The following SYT14 variants were observed in gnomAD, a reference collection of about 807,000 sequenced individuals.
The protein encoded by SYT14 is synaptotagmin 14, also known as synaptotagmin-14.
In SYT14, 32 loss-of-function variants were observed where a neutral mutation model predicts 74.2. That is an observed-to-expected ratio of 0.43 (90% CI 0.33 to 0.58). The LOEUF (loss-of-function observed/expected upper bound fraction) is 0.58, where lower values mean the gene tolerates loss of function less well. Among genes scored for constraint, SYT14 ranks in the 20% least tolerant of loss-of-function variants. The pLI is 0.05. For missense variants in SYT14, 791 were observed against 981.8 expected (o/e 0.81, Z 2.60); for synonymous variants, 298 against 337.7 (o/e 0.88, Z 1.29).
chr1:209,973,386 G>C (rs565958983), intron 2 of SYT14, among the ~76,000 whole-genome samples: 1 of 151,680 alleles, frequency 6.6e-6, no homozygotes, highest in African/African-American at 2.4e-5. Context: ...AACAGACCCC[G>C]GTGTGTGATG....
chr1:209,962,008 A>G (rs903831182), intron 2 of SYT14, among the ~76,000 whole-genome samples: 3 of 152,126 alleles, frequency 2.0e-5, no homozygotes, highest in Non-Finnish European at 4.4e-5. Flanking sequence ...TTCAATTTCT[A>G]TGCAAATCCA....
chr1:210,007,145 T>A (rs2080004778), intron 2 of SYT14, among the ~76,000 whole-genome samples: 1 of 151,946 alleles, frequency 6.6e-6, no homozygotes, highest in Admixed American at 6.6e-5. Context: ...TTTTTTAAGT[T>A]TATTTTTTGT....
chr1:210,028,353 G>A (rs2080458470), intron 5 of SYT14, among the ~76,000 whole-genome samples: 1 of 151,682 alleles, frequency 6.6e-6, no homozygotes, highest in East Asian at 1.9e-4. Flanking sequence ...CTATTGTTGT[G>A]CACCATCACC....
intron 5 of SYT14, among the ~76,000 whole-genome samples, chr1:210,034,036 A>G (rs2080599038): frequency 6.6e-6 from 1 of 151,870 alleles, no homozygotes; most frequent in South Asian, 2.1e-4. Context: ...TAGTTCTGCA[A>G]ATAACAATAG....
intron 2 of SYT14, 64 bp downstream of exon 2, chr1:209,952,820 T>G (rs1420936390): frequency 1.1e-5 from 16 of 1,425,390 alleles, no homozygotes; most frequent in Non-Finnish European, 1.5e-5. Flanking sequence ...GTATAATAGA[T>G]TTTAGTAGGA....
intron 5 of SYT14, among the ~76,000 whole-genome samples, chr1:210,053,159 A>C (rs2081034491): frequency 6.6e-6 from 1 of 152,230 alleles, no homozygotes; most frequent in South Asian, 2.1e-4. Context: ...CATAGAAGGT[A>C]GAATTATATT....
intron 7 of SYT14, among the ~76,000 whole-genome samples, chr1:210,106,768 A>G (rs1303469804): frequency 6.6e-6 from 1 of 152,138 alleles, no homozygotes; most frequent in Non-Finnish European, 1.5e-5. Context: ...GCCAAACCAT[A>G]TCATTCTGCC....
chr1:210,028,402 GA>G (rs1475658669), intron 5 of SYT14, among the ~76,000 whole-genome samples: 1 of 147,994 alleles, frequency 6.8e-6, no homozygotes, highest in African/African-American at 2.5e-5. Context: ...TTGCAAAGCT[GA>G]ACTCCATACC....
intron 2 of SYT14, among the ~76,000 whole-genome samples, chr1:209,981,450 C>CTTTTTTTTTTTTT (rs1183885685): frequency 9.5e-4 from 94 of 99,074 alleles, no homozygotes; most frequent in Non-Finnish European, 1.3e-3. Flanking sequence ...TTTTTCTTTT[C>CTTTTTTTTTTTTT]TTTTTTTTTT....
intron 5 of SYT14, among the ~76,000 whole-genome samples, chr1:210,041,432 A>G (rs542808495): frequency 5.9e-5 from 9 of 152,324 alleles, no homozygotes; most frequent in Non-Finnish European, 1.0e-4. Flanking sequence ...TAATTTGATT[A>G]TTAGTTAAAT....
At chr1:210,163,576 G>T (rs534862842) in exon 10 of SYT14, 6 of 453,212 alleles carry the variant, frequency 1.3e-5, no homozygotes, top group African/African-American at 1.2e-4. Flanking sequence ...ATACATTTAG[G>T]ATTATTTTTC....
chr1:210,053,843 G>GT (rs1327130644), intron 5 of SYT14, among the ~76,000 whole-genome samples: 1 of 151,830 alleles, frequency 6.6e-6, no homozygotes, highest in Non-Finnish European at 1.5e-5. Context: ...TTTTTTGTTT[G>GT]TTTTTTTACT....
At chr1:210,045,550 C>T (rs2080869414) in intron 5 of SYT14, among the ~76,000 whole-genome samples, 1 of 152,082 alleles carries the variant, frequency 6.6e-6, no homozygotes, top group Admixed American at 6.6e-5. Flanking sequence ...AAGATGAAGG[C>T]ATTGAAAAGA....
exon 10 of SYT14, chr1:210,163,438 A>G (rs1055891622): frequency 2.2e-6 from 1 of 453,846 alleles, no homozygotes; most frequent in South Asian, 1.6e-5. Context: ...TAAATTATCT[A>G]TATGAGTGTA....
At chr1:210,158,240 C>T (rs4537554) in intron 8 of SYT14, among the ~76,000 whole-genome samples, 37,937 of 151,990 alleles carry the variant, frequency 0.25, 5,882 homozygotes, top group East Asian at 0.42. Flanking sequence ...AATGCAAACT[C>T]AAAAGGCCTG....
intron 5 of SYT14, among the ~76,000 whole-genome samples, chr1:210,059,902 A>G (rs1380546603): frequency 2.0e-5 from 3 of 152,084 alleles, no homozygotes; most frequent in Non-Finnish European, 4.4e-5. Context: ...AAATCAGTGG[A>G]TGCAAGTTTA....
intron 5 of SYT14, among the ~76,000 whole-genome samples, chr1:210,091,670 C>T (rs748680529): frequency 9.9e-5 from 15 of 152,160 alleles, no homozygotes; most frequent in Non-Finnish European, 1.0e-4. Context: ...GGATCATGTT[C>T]ATTTTGTACC....
chr1:210,072,550 G>T (rs751206892), intron 5 of SYT14, among the ~76,000 whole-genome samples: 2 of 151,964 alleles, frequency 1.3e-5, no homozygotes, highest in Non-Finnish European at 2.9e-5. Context: ...TCATAGTAGT[G>T]CAGTTTCTTA....
At chr1:210,070,313 A>G (rs1193233647) in intron 5 of SYT14, among the ~76,000 whole-genome samples, 1 of 152,108 alleles carries the variant, frequency 6.6e-6, no homozygotes, top group African/African-American at 2.4e-5. Context: ...GTTCCCTTTT[A>G]TAATCCATTG....
Sources: allele counts gnomAD v4.1 joint callset (sites outside exome capture counted in the v4.1 genomes callset), GRCh38; gene constraint gnomAD v4.1.1; transcripts MANE v1.5; gene names NCBI Gene and HGNC (gene_info 2026-07-23, HGNC 2026-07-21).